CAST: variants seen among roughly 807,000 people sequenced by gnomAD.
The protein encoded by CAST is calpastatin, also known as MIR583 host.
A neutral mutation model predicts 119.6 loss-of-function variants in CAST; 76 were observed. The ratio of observed to expected loss-of-function variants is 0.64; its 90% CI spans 0.53 to 0.77. The LOEUF (loss-of-function observed/expected upper bound fraction) is 0.77, where lower values mean the gene tolerates loss of function less well. Among genes scored for constraint, CAST ranks in the 30% least tolerant of loss-of-function variants. The probability of loss-of-function intolerance (pLI) is 0.00; values close to 1 mark genes in which losing one functional copy is unlikely to be tolerated. For synonymous variants in CAST, 319 were observed against 331.6 expected (o/e 0.96, Z 0.41); for missense variants, 953 against 946.5 (o/e 1.01, Z -0.09).
chr5:96,200,934 A>G, the CAST span, among the ~76,000 whole-genome samples: 2 of 152,260 alleles, frequency 1.3e-5, no homozygotes, highest in South Asian at 4.1e-4. Context: ...TTTGGCTAGA[A>G]ATAATAGGAA....
At chr5:96,020,923 A>C in the CAST span, among the ~76,000 whole-genome samples, 1 of 142,818 alleles carries the variant, frequency 7.0e-6, no homozygotes, top group East Asian at 2.1e-4. Context: ...GTAGTCCTTT[A>C]ACTTAATGAC....
chr5:96,317,230 A>G, the CAST span, among the ~76,000 whole-genome samples: 57 of 151,564 alleles, frequency 3.8e-4, no homozygotes, highest in Non-Finnish European at 4.9e-4. Flanking sequence ...TTGGGAGGCC[A>G]AGGCAGGTGG....
chr5:96,367,855 C>T, the CAST span, among the ~76,000 whole-genome samples: 2 of 152,028 alleles, frequency 1.3e-5, no homozygotes, highest in Non-Finnish European at 2.9e-5. Flanking sequence ...GGAAAAGCCC[C>T]AGTGAGATGA....
the CAST span, among the ~76,000 whole-genome samples, chr5:95,985,792 G>T: frequency 6.6e-6 from 1 of 152,102 alleles, no homozygotes; most frequent in Non-Finnish European, 1.5e-5. Context: ...CCTTGGGCAC[G>T]TATTACTATT....
At chr5:96,108,409 A>T in the CAST span, among the ~76,000 whole-genome samples, 2 of 150,968 alleles carry the variant, frequency 1.3e-5, no homozygotes, top group African/African-American at 2.4e-5. Flanking sequence ...TTTGGTGTGG[A>T]TGTCCTTTCT....
At chr5:96,030,761 T>C in the CAST span, among the ~76,000 whole-genome samples, 2 of 152,132 alleles carry the variant, frequency 1.3e-5, no homozygotes, top group Non-Finnish European at 2.9e-5. Flanking sequence ...AAAACCATTT[T>C]TGGGCTATGT....
the CAST span, among the ~76,000 whole-genome samples, chr5:96,215,782 A>C: frequency 6.6e-6 from 1 of 151,924 alleles, no homozygotes; most frequent in Non-Finnish European, 1.5e-5. Flanking sequence ...ATAAATAATA[A>C]ATATATTTTT....
chr5:96,406,685 A>G, the CAST span, among the ~76,000 whole-genome samples: 1 of 152,206 alleles, frequency 6.6e-6, no homozygotes, highest in Non-Finnish European at 1.5e-5. Flanking sequence ...AGGCCAAGAT[A>G]TTTTTCCTTT....
chr5:96,747,018 G>T (rs1346215418), intron 17 of CAST, among the ~76,000 whole-genome samples: 1 of 152,216 alleles, frequency 6.6e-6, no homozygotes, highest in Non-Finnish European at 1.5e-5. Context: ...CTAGGTTGGA[G>T]AATTGGGGTT....
the CAST span, among the ~76,000 whole-genome samples, chr5:95,999,023 T>A: frequency 1.3e-5 from 2 of 152,166 alleles, no homozygotes; most frequent in African/African-American, 4.8e-5. Context: ...TTTTTTCACC[T>A]GTTTATTGGC....
At chr5:96,726,582 C>T (rs944258176) in intron 4 of CAST, among the ~76,000 whole-genome samples, 1 of 152,030 alleles carries the variant, frequency 6.6e-6, no homozygotes, top group South Asian at 2.1e-4. Context: ...TGAAAAAAAC[C>T]TTCACTGAAA....
chr5:96,146,166 A>C, the CAST span, among the ~76,000 whole-genome samples: 2 of 152,242 alleles, frequency 1.3e-5, no homozygotes, highest in South Asian at 2.1e-4. Context: ...TCTATATAGC[A>C]AGGCTATGTG....
chr5:96,003,282 G>A, the CAST span, among the ~76,000 whole-genome samples: 2 of 151,644 alleles, frequency 1.3e-5, no homozygotes, highest in East Asian at 1.9e-4. Context: ...GCTCATGCCT[G>A]TAATCCAGCA....
the CAST span, among the ~76,000 whole-genome samples, chr5:96,377,022 C>A: frequency 6.6e-6 from 1 of 150,858 alleles, no homozygotes. Flanking sequence ...AAAAGTAAAA[C>A]AAAATAAATA....
At chr5:96,656,227 T>C (rs1242376178) in intron 1 of CAST, among the ~76,000 whole-genome samples, 1 of 152,252 alleles carries the variant, frequency 6.6e-6, no homozygotes, top group Non-Finnish European at 1.5e-5. Context: ...GAACTTTACT[T>C]AAGAACAATT....
At chr5:96,427,537 A>G in the CAST span, among the ~76,000 whole-genome samples, 1 of 152,132 alleles carries the variant, frequency 6.6e-6, no homozygotes, top group Non-Finnish European at 1.5e-5. Flanking sequence ...ACAAAGTTAT[A>G]CCTGTGCTGG....
At chr5:96,236,401 G>A in the CAST span, among the ~76,000 whole-genome samples, 20 of 152,164 alleles carry the variant, frequency 1.3e-4, no homozygotes, top group Middle Eastern at 3.2e-3. Flanking sequence ...TGCACCCTGT[G>A]TCCTGGTAGA....
At chr5:96,160,161 A>G in the CAST span, among the ~76,000 whole-genome samples, 4 of 151,902 alleles carry the variant, frequency 2.6e-5, no homozygotes, top group African/African-American at 4.8e-5. Flanking sequence ...AAAAATGTAA[A>G]TGGCCTTTAG....
chr5:96,490,033 C>A, the CAST span, among the ~76,000 whole-genome samples: 1 of 152,174 alleles, frequency 6.6e-6, no homozygotes, highest in Non-Finnish European at 1.5e-5. Context: ...GACATATGTG[C>A]TTTCTGGGTG....
Sources: gnomAD v4.1 joint callset for allele counts (sites outside exome capture counted in the v4.1 genomes callset) on GRCh38, gnomAD v4.1.1 for gene constraint, MANE v1.5 for transcripts, NCBI Gene and HGNC (gene_info 2026-07-23, HGNC 2026-07-21) for gene names.